AKAP13: variants seen among roughly 807,000 people sequenced by gnomAD.
The protein encoded by AKAP13 is A-kinase anchor protein 13.
In AKAP13, 80 loss-of-function variants were observed where a neutral mutation model predicts 264.5. That is an observed-to-expected ratio of 0.30 (90% CI 0.25 to 0.36). The LOEUF is 0.36. AKAP13 is among the 10% of genes least tolerant of loss of function. The pLI is 1.00. For synonymous variants in AKAP13, 1,380 were observed against 1,250.2 expected, an observed-to-expected ratio of 1.10 and a Z score of -2.19; for missense variants, 3,712 against 3,435.2, an observed-to-expected ratio of 1.08 and a Z score of -2.01.
At chr15:85,709,464 T>A (rs2086502544) in intron 18 of AKAP13, among the ~76,000 whole-genome samples, 1 of 152,042 alleles carries the variant, frequency 6.6e-6, no homozygotes, top group Non-Finnish European at 1.5e-5. Context: ...ATATGCCAGT[T>A]CCAGGCTGCC....
intron 8 of AKAP13, chr15:85,620,032 C>T: frequency 6.5e-7 from 1 of 1,534,148 alleles, no homozygotes; most frequent in East Asian, 2.4e-5. Flanking sequence ...GCACTGGTCC[C>T]CAAGTTAACA....
Position 85,580,860 on chromosome 15 carries a change from CG to C in AKAP13, c.2794del (p.Val932Ter). On this transcript the variant is annotated frameshift_variant, in exon 7 of 37. Coordinates refer to ENST00000394518, the MANE Select transcript of AKAP13 (RefSeq NM_007200.5). LOFTEE classifies it high-confidence loss of function. The part of the protein sequence containing the change: ...SAAQEQDKDK[A>X]VTCSSIKENA... Reference sequence around the variant, plus strand: ...GCTCAGGAACAAGATAAGGATAAAGCGGTGACCTGTTCCTCTATTAAGGAAA... The same window carrying C: ...GCTCAGGAACAAGATAAGGATAAAGCGTGACCTGTTCCTCTATTAAGGAAA... 1 of 1,614,132 alleles carries C rather than the reference CG, an allele frequency of 6.2e-7. No individual in the cohort carries two copies. Among genetic ancestry groups the C allele is most frequent in the East Asian group, 2.2e-5 (1 of 44,890 alleles).
chr15:85,650,507 T>G (rs1323156695), intron 10 of AKAP13, among the ~76,000 whole-genome samples: 1 of 151,704 alleles, frequency 6.6e-6, no homozygotes, highest in Admixed American at 6.6e-5. Context: ...TGGTGGCTCA[T>G]GCCTTTGAGA....
At chr15:85,730,370 G>GA in intron 29 of AKAP13, 143 bp from the exon 30 acceptor site, 2 of 766,200 alleles carry the variant, frequency 2.6e-6, no homozygotes, top group Non-Finnish European at 4.3e-6. Flanking sequence ...CTGTCTTGAT[G>GA]AAAAAGAAAA....
chr15:85,581,736 G>C lies in AKAP13; in HGVS notation c.3668G>C (p.Arg1223Thr). The change falls in exon 7 of 37, where the codon AGG becomes ACG. Residue 1223 changes from arginine to threonine, a missense_variant. Coordinates refer to ENST00000394518, the MANE Select transcript of AKAP13 (RefSeq NM_007200.5). ...REVMRAPPSG[R>T]ERSTPSLPCM... ...GTCATGCGAGCCCCGCCTTCAGGCA[G>C]GGAAAGGAGCACTCCCTCTCTACCT... is the stretch of plus-strand genomic sequence containing the variant. The C allele has an allele frequency of 6.2e-7, 1 of 1,614,194 alleles. No homozygotes were observed. The highest frequency in any genetic ancestry group is 8.5e-7 in the Non-Finnish European group (1 of 1,180,030).
chr15:85,492,163 T>C (rs1389981850), intron 2 of AKAP13, among the ~76,000 whole-genome samples: 1 of 152,244 alleles, frequency 6.6e-6, no homozygotes, highest in African/African-American at 2.4e-5. Context: ...TTTTAAAGAA[T>C]AGGTAACCCA....
intron 1 of AKAP13, among the ~76,000 whole-genome samples, chr15:85,446,550 C>CA (rs2073904320): frequency 1.3e-5 from 2 of 152,156 alleles, no homozygotes; most frequent in African/African-American, 4.8e-5. Context: ...GCTAGAGACT[C>CA]AAAGTTGAGA....
chr15:85,623,985 T>G (rs538497283), intron 8 of AKAP13, among the ~76,000 whole-genome samples: 2 of 152,026 alleles, frequency 1.3e-5, no homozygotes, highest in African/African-American at 2.4e-5. Context: ...TGATGGGAGC[T>G]TTCACCTAAC....
intron 10 of AKAP13, among the ~76,000 whole-genome samples, chr15:85,646,616 G>T (rs1253980456): frequency 6.6e-6 from 1 of 152,132 alleles, no homozygotes; most frequent in Non-Finnish European, 1.5e-5. Context: ...CAGACTATAT[G>T]ATGTCATATT....
intron 14 of AKAP13, among the ~76,000 whole-genome samples, chr15:85,677,940 G>A (rs1052365262): frequency 5.9e-5 from 9 of 152,072 alleles, no homozygotes; most frequent in African/African-American, 1.9e-4. Flanking sequence ...GAGCCACAGC[G>A]CCCAGCCGGA....
intron 1 of AKAP13, among the ~76,000 whole-genome samples, chr15:85,476,772 C>G (rs1362211931): frequency 6.6e-6 from 1 of 152,208 alleles, no homozygotes; most frequent in Non-Finnish European, 1.5e-5. Flanking sequence ...AAGGTTGTCT[C>G]TAATCTTAAT....
At chr15:85,664,516 T>C in intron 12 of AKAP13, 47 bp from the exon 13 acceptor site, 1 of 1,542,126 alleles carries the variant, frequency 6.5e-7, no homozygotes, top group Non-Finnish European at 8.8e-7. Flanking sequence ...TCCTTTGTTT[T>C]TGAGACCCAG....
chr15:85,675,396 A>G (rs1016354943), intron 14 of AKAP13, among the ~76,000 whole-genome samples: 2 of 152,232 alleles, frequency 1.3e-5, no homozygotes, highest in African/African-American at 2.4e-5. Context: ...TATCTGGGGT[A>G]TGGAGTGGCT....
chr15:85,581,849 G>C lies in AKAP13; in HGVS notation c.3781G>C (p.Glu1261Gln). 1 of 1,614,186 alleles carries C rather than the reference G, an allele frequency of 6.2e-7. No homozygotes were observed. Among genetic ancestry groups the C allele is most frequent in the Non-Finnish European group, 8.5e-7 (1 of 1,180,016 alleles). Reference sequence around the variant, plus strand: ...CAGCCGTATAGTGGATGCTGTCATCGAACAAGTCAAGGCCGCTGGAGCACT... The same window carrying C: ...CAGCCGTATAGTGGATGCTGTCATCCAACAAGTCAAGGCCGCTGGAGCACT... ...AASRIVDAVIEQVKAAGALLT... is the reference protein window; with the variant it reads ...AASRIVDAVIQQVKAAGALLT... The change falls in exon 7 of 37, where the codon GAA becomes CAA. Residue 1261 changes from glutamate to glutamine, a missense_variant. Physicochemically the swap from Glu to Gln is conservative, Grantham distance 29. This residue lies in a region of AKAP13 where 2,759 missense variants were observed against 2,411.7 expected (regional missense o/e 1.14). Transcript: ENST00000394518.
chr15:85,391,490 T>C (rs1353938173), intron 1 of AKAP13, among the ~76,000 whole-genome samples: 3 of 151,146 alleles, frequency 2.0e-5, no homozygotes, highest in East Asian at 1.9e-4. Context: ...TCTTTTCTTT[T>C]TTTTTTTTTT....
chr15:85,549,245 A>G (rs1405141958), intron 5 of AKAP13, among the ~76,000 whole-genome samples: 1 of 152,196 alleles, frequency 6.6e-6, no homozygotes, highest in African/African-American at 2.4e-5. Context: ...ACATGCTGTG[A>G]TGTTGATGCC....
chr15:85,380,870 C>G (rs955017304), intron 1 of AKAP13, 72 bp downstream of exon 1: 1 of 151,486 alleles, frequency 6.6e-6, no homozygotes, highest in African/African-American at 2.4e-5. Context: ...GGAGCGCGGC[C>G]AGTCCCCTGC....
rs6496137 is a variant in AKAP13, at chr15:85,624,155, A to G, written c.4162-15219A>G. Among the ~76,000 whole-genome samples, 133 of 152,298 alleles carry G rather than the reference A, an allele frequency of 8.7e-4. 1 individual carries two copies. The highest frequency in any genetic ancestry group is 4.1e-3 in the Admixed American group (63 of 15,306). On this transcript the variant is annotated intron_variant, in intron 8 of 36. Coordinates refer to ENST00000394518, the MANE Select transcript of AKAP13 (RefSeq NM_007200.5). ...TAGCCTGGGCCATTGCTGTTTTACTAATTTTATAACTTTGGGTACCTGGAA... is the reference window on the plus strand; with the variant it reads ...TAGCCTGGGCCATTGCTGTTTTACTGATTTTATAACTTTGGGTACCTGGAA...
At chr15:85,550,340 C>T (rs1212913894) in intron 5 of AKAP13, among the ~76,000 whole-genome samples, 1 of 152,178 alleles carries the variant, frequency 6.6e-6, no homozygotes, top group Non-Finnish European at 1.5e-5. Context: ...TGAGGGGACA[C>T]ATGTGAATGT....
Sources: gnomAD v4.1 joint callset for allele counts (sites outside exome capture counted in the v4.1 genomes callset) on GRCh38, gnomAD v4.1.1 for gene constraint, gnomAD v4.1.1 regional missense constraint, MANE v1.5 for transcripts, NCBI Gene and HGNC (gene_info 2026-07-23, HGNC 2026-07-21) for gene names.